PHACTR2: variants seen among roughly 807,000 people sequenced by gnomAD.
PHACTR2 encodes the protein chromosome 6 open reading frame 56.
Under a neutral mutation model 76.0 loss-of-function variants are expected in PHACTR2, and 30 were observed. The ratio of observed to expected loss-of-function variants is 0.39; its 90% CI spans 0.30 to 0.54. PHACTR2 has a LOEUF of 0.54. Ranked by LOEUF, PHACTR2 falls within the 20% of genes least tolerant of loss-of-function variation. The probability of loss-of-function intolerance (pLI) is 0.61; values close to 1 mark genes in which losing one functional copy is unlikely to be tolerated. For synonymous variants in PHACTR2, 292 were observed against 292.5 expected (o/e 1.00, Z 0.02); for missense variants, 696 against 781.1 (o/e 0.89, Z 1.30).
At chr6:143,766,854 T>G (rs911182666) in intron 6 of PHACTR2, among the ~76,000 whole-genome samples, 6 of 152,232 alleles carry the variant, frequency 3.9e-5, no homozygotes, top group Admixed American at 3.3e-4. Context: ...AAGGGATGGA[T>G]GGCTGTCAGA....
chr6:143,675,031 T>G (rs1582758601), upstream of PHACTR2, among the ~76,000 whole-genome samples: 1 of 152,194 alleles, frequency 6.6e-6, no homozygotes, highest in Non-Finnish European at 1.5e-5. This position sits in a 1 kb window ranked among gnomAD's most constrained non-coding sequence, Gnocchi z 4.9. Flanking sequence ...GTACCCCAGG[T>G]GGGTGAGTCT....
At chr6:143,670,415 T>A (rs1442293272) in intron 1 of PHACTR2, among the ~76,000 whole-genome samples, 1 of 152,234 alleles carries the variant, frequency 6.6e-6, no homozygotes, top group Admixed American at 6.5e-5. Context: ...AGAGTTCCCC[T>A]GGATAATATC....
rs1489240891 is a variant in PHACTR2, at chr6:143,581,278, G to A, written c.217+44071G>A. 2.0e-5 allele frequency among the ~76,000 whole-genome samples: 3 copies of A among 152,270 alleles called. No individual in the cohort carries two copies. Among genetic ancestry groups the A allele is most frequent in the East Asian group, 3.9e-4 (2 of 5,178 alleles). On this transcript the variant is annotated intron_variant, in intron 1 of 11. Transcript: ENST00000367584. This position sits in a 1 kb window ranked among gnomAD's most constrained non-coding sequence, Gnocchi z 4.5. The stretch of plus-strand genomic sequence containing the variant: ...ACTCTGTAGATGTCTGTAATTGACC[G>A]GGAGGTATGTAGATGACTGTATCAA...
chr6:143,537,132 C>A lies in PHACTR2; in HGVS notation c.142C>A (p.Arg48Ser). The change falls in exon 1 of 12, where the codon CGC (arginine) becomes AGC (serine). Residue 48 changes from arginine (R) to serine (S), a missense_variant. By Grantham distance (110) the Arg-to-Ser change is moderately radical (BLOSUM62 -1). Transcript: ENST00000367584. The surrounding 1 kb of genome is among the most constrained non-coding windows in gnomAD (Gnocchi z 4.4). Reference sequence around the variant, plus strand: ...CTGGCTTCCCGGGGACCCGAGCCCCCGCGGCCGCTCACAGAGCGACCTCTC... The same window carrying A: ...CTGGCTTCCCGGGGACCCGAGCCCCAGCGGCCGCTCACAGAGCGACCTCTC... 3.1e-6 allele frequency: 1 copy of A among 320,320 alleles called. No individual in the cohort carries two copies. Among genetic ancestry groups the A allele is most frequent in the Admixed American group, 3.7e-5 (1 of 26,786 alleles). 19.8% of individuals were successfully genotyped at this position (320,320 alleles called of 1,614,324 possible).
Position 143,807,411 on chromosome 6 carries a change from A to C in PHACTR2, c.1922+278A>C, listed in dbSNP as rs1776088752. Among the ~76,000 whole-genome samples the C allele has an allele frequency of 6.6e-6, 1 of 152,250 alleles. No homozygotes were observed. The highest frequency in any genetic ancestry group is 2.4e-5 in the African/African-American group (1 of 41,470). The stretch of plus-strand genomic sequence containing the variant: ...TTGTAAATTTCTAGAATTTCATAAT[A>C]AACTCAGCTATCTCCTTCAAGAACA... On this transcript the variant is annotated intron_variant, in intron 12 of 12. Transcript: ENST00000440869. The surrounding 1 kb of genome is among the most constrained non-coding windows in gnomAD (Gnocchi z 5.5).
At chr6:143,631,815 A>T (rs539909793) in intron 1 of PHACTR2, among the ~76,000 whole-genome samples, 2 of 152,314 alleles carry the variant, frequency 1.3e-5, no homozygotes, top group African/African-American at 4.8e-5. Flanking sequence ...CATCATTAAG[A>T]GACAAGCAGA....
At chr6:143,706,088 C>G (rs745906707) in intron 1 of PHACTR2, among the ~76,000 whole-genome samples, 1 of 152,110 alleles carries the variant, frequency 6.6e-6, no homozygotes, top group Non-Finnish European at 1.5e-5. Flanking sequence ...TGAGATTATT[C>G]CAGCTTTGGC....
In PHACTR2 at chr6:143,608,295, C is replaced by G. The variant is rs200925186; in HGVS notation, c.-15C>G. ...GGCTGCCAGGCTACAGAACTCGCCT[C>G]GCCACTCCTGAGACATGGACAACGC... is the stretch of plus-strand genomic sequence containing the variant. On this transcript the variant is annotated 5_prime_UTR_variant, in exon 1 of 12. Coordinates refer to the PHACTR2 transcript ENST00000305766. The surrounding 1 kb of genome is among the most constrained non-coding windows in gnomAD (Gnocchi z 4.6). 1.2e-6 allele frequency: 2 copies of G among 1,614,064 alleles called. No homozygotes were observed. The highest frequency in any genetic ancestry group is 1.7e-6 in the Non-Finnish European group (2 of 1,179,936).
intron 3 of PHACTR2, among the ~76,000 whole-genome samples, chr6:143,749,650 A>T (rs778242543): frequency 2.0e-5 from 3 of 152,074 alleles, no homozygotes; most frequent in Non-Finnish European, 4.4e-5. Context: ...CCTAGCAATG[A>T]TTATTTCTAA....
intron 1 of PHACTR2, among the ~76,000 whole-genome samples, chr6:143,644,918 C>G (rs767021240): frequency 1.6e-4 from 25 of 151,942 alleles, no homozygotes; most frequent in Admixed American, 5.2e-4. Flanking sequence ...TTTTGGTGCA[C>G]CCATCACCTG....
At position 143,627,696 on chromosome 6, in the gene PHACTR2, G is replaced by C. The variant is rs1296656284; in HGVS notation, c.13+19374G>C. ...GGCTCACTGCAACCTCCGCCTCCCA[G>C]GTTCAAGCGATTCTCCTGCCTCAGC... On this transcript the variant is annotated intron_variant, in intron 1 of 11. Transcript: ENST00000305766. The surrounding 1 kb of genome is among the most constrained non-coding windows in gnomAD (Gnocchi z 4.3). 1.3e-5 allele frequency among the ~76,000 whole-genome samples: 2 copies of C among 151,074 alleles called. No individual in the cohort carries two copies. The highest frequency in any genetic ancestry group is 2.9e-5 in the Non-Finnish European group (2 of 67,860).
At chr6:143,763,384 C>A (rs978255491) in intron 5 of PHACTR2, among the ~76,000 whole-genome samples, 1 of 152,080 alleles carries the variant, frequency 6.6e-6, no homozygotes, top group Non-Finnish European at 1.5e-5. Context: ...AAAGAATTTT[C>A]TTTAACAAAT....
In PHACTR2 at chr6:143,542,018, G is replaced by T. The variant is rs1383717392; in HGVS notation, c.217+4811G>T. 2.0e-5 allele frequency among the ~76,000 whole-genome samples: 3 copies of T among 152,198 alleles called. No homozygotes were observed. The East Asian group carries it at 5.8e-4, about 29-fold the overall frequency. On this transcript the variant is annotated intron_variant, in intron 1 of 11. Transcript: ENST00000367584. ...GCTCACTTTACATTTGTGTAACTCA[G>T]AGTGGGTTTTTTTCCAAACAAAGAC... is the stretch of plus-strand genomic sequence containing the variant.
rs1238109111 is a variant in PHACTR2, at chr6:143,610,954, G to C, written c.13+2632G>C. Among the ~76,000 whole-genome samples the C allele has an allele frequency of 6.6e-6, 1 of 151,860 alleles. No individual in the cohort carries two copies. Among genetic ancestry groups the C allele is most frequent in the Non-Finnish European group, 1.5e-5 (1 of 67,998 alleles). On this transcript the variant is annotated intron_variant, in intron 1 of 11. Coordinates refer to the PHACTR2 transcript ENST00000305766. This position sits in a 1 kb window ranked among gnomAD's most constrained non-coding sequence, Gnocchi z 4.9. Reference sequence around the variant, plus strand: ...TAGAAGTTATATAACAAGTCAAATAGATGGTGCTTTAGAATGGCACACCTG... The same window carrying C: ...TAGAAGTTATATAACAAGTCAAATACATGGTGCTTTAGAATGGCACACCTG...
chr6:143,712,975 C>G lies in PHACTR2; in HGVS notation c.214+792C>G, dbSNP rs117417913. Among the ~76,000 whole-genome samples, 170 of 152,290 alleles carry G rather than the reference C, an allele frequency of 1.1e-3. 1 individual carries two copies. The East Asian group carries it at 0.029, about 26-fold the overall frequency. On this transcript the variant is annotated intron_variant, in intron 2 of 12. Coordinates refer to ENST00000440869, the MANE Select transcript of PHACTR2 (RefSeq NM_001100164.2). The stretch of plus-strand genomic sequence containing the variant: ...AAGTGTTAGTGTGAGTGTATTGTGT[C>G]TAAGATAGAAAAGTGTTTAGTAAGT...
In PHACTR2 at chr6:143,787,448, G is replaced by A. The variant is rs1203106870; in HGVS notation, c.1708-1325G>A. On this transcript the variant is annotated intron_variant, in intron 10 of 12. Transcript: ENST00000440869. This position sits in a 1 kb window ranked among gnomAD's most constrained non-coding sequence, Gnocchi z 4.6. Reference sequence around the variant, plus strand: ...TGCCTACCGGGGCTCTATGAAGATAGAGGGAGCCATAGTTGGCACATCCCT... The same window carrying A: ...TGCCTACCGGGGCTCTATGAAGATAAAGGGAGCCATAGTTGGCACATCCCT... Among the ~76,000 whole-genome samples the A allele has an allele frequency of 1.3e-5, 2 of 152,232 alleles. No homozygotes were observed. The highest frequency in any genetic ancestry group is 4.8e-5 in the African/African-American group (2 of 41,464).
chr6:143,587,109 T>C (rs1283910913), intron 1 of PHACTR2, among the ~76,000 whole-genome samples: 2 of 152,218 alleles, frequency 1.3e-5, no homozygotes, highest in Admixed American at 6.5e-5. Context: ...TAATTTTACA[T>C]AAACACGCTC....
rs7760627 is a variant in PHACTR2, at chr6:143,679,991, A to G, written c.46+1782A>G. On this transcript the variant is annotated intron_variant, in intron 1 of 12. Transcript: ENST00000440869. The surrounding 1 kb of genome is among the most constrained non-coding windows in gnomAD (Gnocchi z 4.6). ...AATGACCAATCCATACATCATAAAT[A>G]CAGGGTTTTTTATTTTTCAGTTAAG... 0.28 allele frequency among the ~76,000 whole-genome samples: 43,245 copies of G among 151,894 alleles called. 6,212 individuals are homozygous for G. The highest frequency in any genetic ancestry group is 0.4 in the Middle Eastern group (118 of 294).
At chr6:143,771,194 G>GTATATATATATA (rs769993035) in intron 6 of PHACTR2, among the ~76,000 whole-genome samples, 6 of 40,474 alleles carry the variant, frequency 1.5e-4, no homozygotes, top group Admixed American at 3.0e-4. Context: ...ATATATGTGT[G>GTATATATATATA]TATATATATA....
Sources: allele counts gnomAD v4.1 joint callset (sites outside exome capture counted in the v4.1 genomes callset), GRCh38; gene constraint gnomAD v4.1.1; non-coding constraint Gnocchi (gnomAD v3.1); transcripts MANE v1.5; gene names NCBI Gene and HGNC (gene_info 2026-07-23, HGNC 2026-07-21).